Variants in GLIS1 observed in about 807,000 individuals in gnomAD.
GLIS1 encodes GLIS family zinc finger 1, also known as zinc finger protein GLIS1.
A neutral mutation model predicts 63.8 loss-of-function variants in GLIS1; 24 were observed. The ratio of observed to expected loss-of-function variants is 0.38; its 90% CI spans 0.27 to 0.53. GLIS1 has a LOEUF of 0.53. GLIS1 is among the 20% of genes least tolerant of loss of function. The pLI, the probability that GLIS1 is intolerant of heterozygous loss-of-function variation, is 0.85. For synonymous variants in GLIS1, 450 were observed against 482.5 expected (o/e 0.93, Z 0.88); for missense variants, 1,036 against 1,074.1 (o/e 0.96, Z 0.50).
intron 4 of GLIS1, among the ~76,000 whole-genome samples, chr1:53,563,006 T>A (rs970034704): frequency 2.6e-5 from 4 of 152,158 alleles, no homozygotes; most frequent in African/African-American, 9.7e-5. Flanking sequence ...AATAATCAGA[T>A]TATGCATAAA....
intron 2 of GLIS1, among the ~76,000 whole-genome samples, chr1:53,655,292 G>C (rs532824758): frequency 6.6e-6 from 1 of 152,166 alleles, no homozygotes; most frequent in Admixed American, 6.5e-5. Flanking sequence ...TGCACACTGA[G>C]GTTTGATAAT....
At chr1:53,601,828 C>T (rs912770066) in intron 2 of GLIS1, among the ~76,000 whole-genome samples, 5 of 152,222 alleles carry the variant, frequency 3.3e-5, no homozygotes, top group African/African-American at 1.2e-4. Flanking sequence ...AGCCCACCCT[C>T]AAGGCAGTTC....
intron 2 of GLIS1, among the ~76,000 whole-genome samples, chr1:53,626,363 C>A (rs990124646): frequency 6.6e-6 from 1 of 152,174 alleles, no homozygotes; most frequent in Non-Finnish European, 1.5e-5. Context: ...GCAGCCTCAG[C>A]CTTTGCACAC....
intron 4 of GLIS1, among the ~76,000 whole-genome samples, chr1:53,559,980 G>A (rs1644870007): frequency 6.6e-6 from 1 of 152,080 alleles, no homozygotes; most frequent in South Asian, 2.1e-4. Flanking sequence ...CTCCACCTTG[G>A]CTAACTTATC....
intron 8 of GLIS1, among the ~76,000 whole-genome samples, chr1:53,512,386 C>A (rs189148021): frequency 1.3e-5 from 2 of 152,296 alleles, no homozygotes; most frequent in African/African-American, 4.8e-5. Context: ...ATACCCTATT[C>A]GGCGTCTTCT....
intron 2 of GLIS1, among the ~76,000 whole-genome samples, chr1:53,649,437 C>G (rs1645882480): frequency 6.6e-6 from 1 of 152,168 alleles, no homozygotes; most frequent in Non-Finnish European, 1.5e-5. Context: ...AGCAGTTCAC[C>G]TCTCCAGTAT....
intron 4 of GLIS1, among the ~76,000 whole-genome samples, chr1:53,551,236 C>T (rs188859823): frequency 8.5e-5 from 13 of 152,322 alleles, no homozygotes; most frequent in Non-Finnish European, 1.2e-4. Context: ...CATCCCGCCA[C>T]GGTGGTTTGA....
chr1:53,609,471 A>C (rs1182376982), intron 2 of GLIS1, among the ~76,000 whole-genome samples: 3 of 151,958 alleles, frequency 2.0e-5, no homozygotes, highest in Non-Finnish European at 4.4e-5. Flanking sequence ...GGGTTTTACC[A>C]TATTGGCCAG....
chr1:53,738,958 A>C (rs1646940706), intron 1 of GLIS1, among the ~76,000 whole-genome samples, 147 bp downstream of exon 1: 1 of 151,948 alleles, frequency 6.6e-6, no homozygotes, highest in South Asian at 2.1e-4. Context: ...CAGCCCTTCC[A>C]TCAGGGGCCC....
intron 7 of GLIS1, among the ~76,000 whole-genome samples, chr1:53,517,723 TCTC>T (rs913037814): frequency 1.6e-4 from 24 of 152,212 alleles, no homozygotes; most frequent in Middle Eastern, 3.4e-3. Flanking sequence ...AAATTTGGTG[TCTC>T]CCTCTGCAGC....
At chr1:53,507,387 C>T (rs1349078805) in intron 10 of GLIS1, among the ~76,000 whole-genome samples, 2 of 152,182 alleles carry the variant, frequency 1.3e-5, no homozygotes, top group African/African-American at 4.8e-5. Context: ...TGGGATTGAA[C>T]CCAGGTCCAT....
intron 2 of GLIS1, among the ~76,000 whole-genome samples, chr1:53,675,510 C>T (rs1352121763): frequency 6.6e-6 from 1 of 152,112 alleles, no homozygotes; most frequent in Admixed American, 6.5e-5. Flanking sequence ...TCTGAGTGAG[C>T]CCAGATCTCC....
rs886847157 is a variant in GLIS1 at position 53,509,334 on chromosome 1, C to T, written c.2063-47G>A. 17 of 1,500,782 alleles carry T rather than the reference C, an allele frequency of 1.1e-5. 1 individual carries two copies. The African/African-American group carries it at 2.1e-4, about 18-fold the overall frequency. 93.0% of individuals were successfully genotyped at this position (1,500,782 alleles called of 1,614,324 possible). On this transcript the variant is annotated intron_variant, in intron 9 of 10. Transcript: ENST00000628545. ...GCCGCGTTCACAAAGGAGAAGTGCC[C>T]AGGGCAGGGAGGGGAACATCCTTGC...
At chr1:53,506,833 T>C in intron 10 of GLIS1, 57 bp from the exon 11 acceptor site, 1 of 1,532,004 alleles carries the variant, frequency 6.5e-7, no homozygotes, top group Non-Finnish European at 8.8e-7. Context: ...TGCCTGCGCA[T>C]GCTTCCCAGT....
chr1:53,509,363 A>G, intron 9 of GLIS1, 76 bp from the exon 10 acceptor site: 1 of 1,359,088 alleles, frequency 7.4e-7, no homozygotes, highest in South Asian at 1.4e-5. Flanking sequence ...TCCTTGCTGC[A>G]CGCTCCACCT....
intron 2 of GLIS1, among the ~76,000 whole-genome samples, chr1:53,707,860 A>G (rs1310963828): frequency 2.0e-5 from 3 of 151,824 alleles, no homozygotes; most frequent in Non-Finnish European, 2.9e-5. Flanking sequence ...GCCAACATGT[A>G]TCATCTTAAA....
chr1:53,695,243 A>G (rs1557526575), intron 2 of GLIS1, among the ~76,000 whole-genome samples: 1 of 152,044 alleles, frequency 6.6e-6, no homozygotes, highest in Non-Finnish European at 1.5e-5. Flanking sequence ...CCGTCATCTC[A>G]CCTCGAGAGC....
intron 2 of GLIS1, among the ~76,000 whole-genome samples, chr1:53,709,715 A>AC (rs1263795874): frequency 2.0e-5 from 3 of 151,638 alleles, no homozygotes; most frequent in Non-Finnish European, 4.4e-5. Flanking sequence ...ACTTCCATGA[A>AC]CCCCCCAGAG....
At chr1:53,517,791 G>A (rs1043196120) in intron 7 of GLIS1, among the ~76,000 whole-genome samples, 2 of 152,144 alleles carry the variant, frequency 1.3e-5, no homozygotes, top group African/African-American at 2.4e-5. Flanking sequence ...CCCTGACTCA[G>A]TCCCCTGCCC....
Sources: gnomAD v4.1 joint callset for allele counts (sites outside exome capture counted in the v4.1 genomes callset) on GRCh38, gnomAD v4.1.1 for gene constraint, MANE v1.5 for transcripts, NCBI Gene and HGNC (gene_info 2026-07-23, HGNC 2026-07-21) for gene names.